SLC35F3: variants seen among roughly 807,000 people sequenced by gnomAD.
SLC35F3 encodes the protein putative thiamine transporter SLC35F3.
SLC35F3 carries 25 observed loss-of-function variants against 49.9 expected under a neutral mutation model. The observed-to-expected ratio is 0.50, with a 90% CI of 0.37 to 0.70. The LOEUF (loss-of-function observed/expected upper bound fraction) is 0.70. Among genes scored for constraint, SLC35F3 ranks in the 30% least tolerant of loss-of-function variants. SLC35F3 has a pLI of 0.00. For synonymous variants in SLC35F3, 275 were observed against 265.4 expected, an observed-to-expected ratio of 1.04 and a Z score of -0.35; for missense variants, 525 against 639.8, an observed-to-expected ratio of 0.82 and a Z score of 1.94.
At chr1:234,319,333 T>A (rs952332312) in intron 6 of SLC35F3, among the ~76,000 whole-genome samples, 2 of 152,168 alleles carry the variant, frequency 1.3e-5, no homozygotes, top group African/African-American at 4.8e-5. Flanking sequence ...ATCATCATTG[T>A]CTCCATTACT....
chr1:233,999,780 A>G (rs1008142329), intron 2 of SLC35F3, among the ~76,000 whole-genome samples: 7 of 152,114 alleles, frequency 4.6e-5, no homozygotes, highest in African/African-American at 1.2e-4. Flanking sequence ...ATTTATTTGC[A>G]TTAATTTCCT....
intron 2 of SLC35F3, among the ~76,000 whole-genome samples, chr1:233,930,970 T>A (rs543252833): frequency 6.6e-6 from 1 of 152,244 alleles, no homozygotes; most frequent in South Asian, 2.1e-4. Flanking sequence ...AACAGAGGCC[T>A]CAGAAATAAC....
chr1:234,114,040 G>A (rs1665446989), intron 2 of SLC35F3, among the ~76,000 whole-genome samples: 1 of 152,176 alleles, frequency 6.6e-6, no homozygotes, highest in African/African-American at 2.4e-5. Context: ...TGCAGCATTT[G>A]CCAGTTCCGC....
At chr1:234,178,915 C>T (rs887605822) in intron 2 of SLC35F3, among the ~76,000 whole-genome samples, 3 of 152,186 alleles carry the variant, frequency 2.0e-5, no homozygotes, top group African/African-American at 7.2e-5. Context: ...AAAAATCCTT[C>T]CCCCAACCCC....
intron 3 of SLC35F3, among the ~76,000 whole-genome samples, chr1:234,244,837 G>A (rs1324344095): frequency 6.6e-6 from 1 of 152,070 alleles, no homozygotes; most frequent in Non-Finnish European, 1.5e-5. Flanking sequence ...TTAAAGTCCT[G>A]CTAACTTTTT....
chr1:234,265,725 C>T (rs1667968533), intron 3 of SLC35F3, among the ~76,000 whole-genome samples: 1 of 152,186 alleles, frequency 6.6e-6, no homozygotes, highest in East Asian at 1.9e-4. Context: ...CAGAAGCCTC[C>T]TGTCACTCCC....
At chr1:234,243,774 A>T (rs1667590917) in intron 3 of SLC35F3, among the ~76,000 whole-genome samples, 1 of 151,876 alleles carries the variant, frequency 6.6e-6, no homozygotes, top group Non-Finnish European at 1.5e-5. Context: ...GCTACAGTGC[A>T]GGGTTGCTGC....
At chr1:234,037,403 G>A (rs1030379200) in intron 2 of SLC35F3, among the ~76,000 whole-genome samples, 2 of 152,152 alleles carry the variant, frequency 1.3e-5, no homozygotes, top group African/African-American at 2.4e-5. Flanking sequence ...CCAAACACCT[G>A]CCACCAGGCC....
intron 2 of SLC35F3, among the ~76,000 whole-genome samples, chr1:234,060,072 A>G: frequency 6.6e-6 from 1 of 152,224 alleles, no homozygotes; most frequent in African/African-American, 2.4e-5. Flanking sequence ...TCCCAGTGAA[A>G]TGAAATTAAG....
chr1:234,077,274 G>T (rs976804885), intron 2 of SLC35F3, among the ~76,000 whole-genome samples: 1 of 152,100 alleles, frequency 6.6e-6, no homozygotes, highest in African/African-American at 2.4e-5. Context: ...AAAGTGCTGG[G>T]ATTACAGGCG....
At chr1:233,980,113 C>G (rs538467212) in intron 2 of SLC35F3, among the ~76,000 whole-genome samples, 2 of 152,346 alleles carry the variant, frequency 1.3e-5, no homozygotes, top group South Asian at 4.1e-4. Flanking sequence ...TTCTTTTAAT[C>G]TTTACCACAC....
intron 2 of SLC35F3, among the ~76,000 whole-genome samples, chr1:234,018,943 A>G (rs1467221732): frequency 6.6e-6 from 1 of 152,206 alleles, no homozygotes; most frequent in Non-Finnish European, 1.5e-5. Flanking sequence ...ATTGCGTGTT[A>G]TGACTTGCAT....
intron 2 of SLC35F3, among the ~76,000 whole-genome samples, chr1:234,136,759 C>T (rs929417682): frequency 2.6e-5 from 4 of 152,180 alleles, no homozygotes; most frequent in Admixed American, 2.0e-4. Flanking sequence ...AGGCCAGGTG[C>T]CTATGTGCAG....
intron 2 of SLC35F3, among the ~76,000 whole-genome samples, chr1:234,110,005 A>G (rs972237194): frequency 6.6e-6 from 1 of 152,140 alleles, no homozygotes; most frequent in African/African-American, 2.4e-5. Flanking sequence ...AGGAAAGTGA[A>G]GGACGGAAAG....
intron 2 of SLC35F3, among the ~76,000 whole-genome samples, chr1:234,057,786 A>C (rs1297323944): frequency 6.6e-6 from 1 of 151,926 alleles, no homozygotes; most frequent in East Asian, 1.9e-4. Context: ...GCTCACTGCA[A>C]TCTCCACCTC....
rs12136133 is a variant in SLC35F3, at chr1:233,904,996, A to C, written c.-82A>C. ...GTGGGCAGCGCACTCCAGTCTTCCC[A>C]GGCTAGCGGCTGCAGGGAGCTCCGG... is the stretch of plus-strand genomic sequence containing the variant. On this transcript the variant is annotated 5_prime_UTR_variant, in exon 1 of 8. Transcript: ENST00000366618. 0.52 allele frequency: 768,176 copies of C among 1,471,230 alleles called. 204,046 individuals are homozygous for C. The highest frequency in any genetic ancestry group is 0.56 in the South Asian group (45,257 of 80,596). 91.1% of individuals were successfully genotyped at this position (1,471,230 alleles called of 1,614,324 possible).
chr1:234,038,659 CTG>C (rs1408195306), intron 2 of SLC35F3, among the ~76,000 whole-genome samples: 1 of 152,180 alleles, frequency 6.6e-6, no homozygotes, highest in Non-Finnish European at 1.5e-5. Flanking sequence ...CATCATCAGA[CTG>C]TGTGTTTTAT....
At chr1:234,030,684 T>C (rs985808166) in intron 2 of SLC35F3, among the ~76,000 whole-genome samples, 3 of 152,192 alleles carry the variant, frequency 2.0e-5, no homozygotes, top group Non-Finnish European at 4.4e-5. Context: ...TGATTACTTT[T>C]TGACCTACAA....
chr1:234,116,669 G>A (rs1665492795), intron 2 of SLC35F3, among the ~76,000 whole-genome samples: 1 of 151,988 alleles, frequency 6.6e-6, no homozygotes, highest in Non-Finnish European at 1.5e-5. Context: ...ATGCCACCAT[G>A]CCTGGCTCAT....
Sources: allele counts gnomAD v4.1 joint callset (sites outside exome capture counted in the v4.1 genomes callset), GRCh38; gene constraint gnomAD v4.1.1; transcripts MANE v1.5; gene names NCBI Gene and HGNC (gene_info 2026-07-23, HGNC 2026-07-21).